The following SEC22C variants were observed in gnomAD, a reference collection of about 807,000 sequenced individuals.
SEC22C encodes SEC22 homolog C, vesicle trafficking protein.
SEC22C carries 29 observed loss-of-function variants against 34.7 expected under a neutral mutation model. That is an observed-to-expected ratio of 0.84 (90% CI 0.62 to 1.14). The LOEUF (loss-of-function observed/expected upper bound fraction) is 1.14, where lower values mean the gene tolerates loss of function less well. SEC22C is among the 50% of genes most tolerant of loss of function. SEC22C has a pLI of 0.00. For synonymous variants in SEC22C, 117 were observed against 132.8 expected (o/e 0.88, Z 0.82); for missense variants, 337 against 369.0 (o/e 0.91, Z 0.71).
chr3:42,572,546 C>G (rs1322821477), intron 1 of SEC22C, among the ~76,000 whole-genome samples: 1 of 152,156 alleles, frequency 6.6e-6, no homozygotes, highest in Non-Finnish European at 1.5e-5. Context: ...TCCTATCTCT[C>G]CCAGGCAATG....
chr3:42,591,121 C>T (rs1161587617), intron 1 of SEC22C, among the ~76,000 whole-genome samples: 1 of 151,810 alleles, frequency 6.6e-6, no homozygotes, highest in African/African-American at 2.4e-5. Flanking sequence ...ACGAAATCAG[C>T]ACAGGCGCCG....
rs150078166 is a variant in SEC22C at position 42,597,274 on chromosome 3, G to A, written c.-28+3686C>T. Among the ~76,000 whole-genome samples the A allele has an allele frequency of 3.3e-4, 51 of 152,332 alleles. No homozygotes were observed. In the East Asian group the frequency reaches 4.8e-3, roughly 14 times the overall value. On this transcript the variant is annotated intron_variant, in intron 1 of 6. Transcript: ENST00000417572. The stretch of plus-strand genomic sequence containing the variant: ...TGTACTTTAAAAAGGTGACATGGAC[G>A]GCTGGGTGCAGTGACTCATGCCTGT...
At chr3:42,567,722 G>C (rs576114683) in intron 2 of SEC22C, among the ~76,000 whole-genome samples, 73 of 152,222 alleles carry the variant, frequency 4.8e-4, no homozygotes, top group African/African-American at 1.8e-3. Flanking sequence ...AGTTCCTTGA[G>C]AAAAGAGACC....
At chr3:42,568,767 T>C (rs1204626570) in intron 2 of SEC22C, 98 bp downstream of exon 2, 1 of 1,009,098 alleles carries the variant, frequency 9.9e-7, no homozygotes, top group African/African-American at 1.6e-5. Context: ...AGATCTACTT[T>C]TAATACACAA....
chr3:42,555,964 GC>G lies in SEC22C; in HGVS notation c.676del (p.Ala226LeufsTer7). 2 of 1,613,510 alleles carry G rather than the reference GC, an allele frequency of 1.2e-6. No individual in the cohort carries two copies. Among genetic ancestry groups the G allele is most frequent in the Non-Finnish European group, 1.7e-6 (2 of 1,179,710 alleles). ...VAHEEIGNILAFLVPFVACIF... is the reference protein window; with the variant it reads ...VAHEEIGNILXFLVPFVACIF... ...GCAGGCTACGAAAGGAACAAGAAAA[GC>G]CAGAATGTTTCCAATTTCCTCATGG... is the stretch of plus-strand genomic sequence containing the variant. On this transcript the variant is annotated frameshift_variant, in exon 6 of 7. Transcript: ENST00000264454. LOFTEE classifies it high-confidence loss of function.
upstream of SEC22C, among the ~76,000 whole-genome samples, chr3:42,584,476 G>A (rs535825863): frequency 1.6e-4 from 24 of 152,254 alleles, no homozygotes; most frequent in Non-Finnish European, 2.1e-4. Flanking sequence ...GTTTGGTCTC[G>A]AAATCCTGGC....
rs1577281391 is a variant in SEC22C at position 42,550,628 on chromosome 3, C to CCCA, written c.*2617_*2619dup. On this transcript the variant is annotated 3_prime_UTR_variant, in exon 7 of 7. Coordinates refer to ENST00000264454, the MANE Select transcript of SEC22C (RefSeq NM_032970.4). ...TTTTGTTTGCAAAAGTCAATCTCAC[C>CCCA]CCATGTAGATGTTAACTGATATCCA... is the stretch of plus-strand genomic sequence containing the variant. 1 of 985,146 alleles carries CCCA rather than the reference C, an allele frequency of 1.0e-6. No homozygotes were observed. The highest frequency in any genetic ancestry group is 1.2e-6 in the Non-Finnish European group (1 of 829,916). The allele number at this position is 985,146 out of a possible 1,614,324, so 61.0% of individuals were successfully genotyped here. A position where few individuals can be genotyped will look rare whatever the true frequency, so the allele number is the denominator to read the frequency against.
At chr3:42,586,942 C>T (rs558482677), upstream of SEC22C, among the ~76,000 whole-genome samples, 1 of 152,310 alleles carries the variant, frequency 6.6e-6, no homozygotes, top group East Asian at 1.9e-4. Flanking sequence ...AGGGGCATCA[C>T]CAGTTTCTCA....
rs1475554995 is a variant in SEC22C, at chr3:42,549,315, T to C, written c.*3933A>G. The C allele has an allele frequency of 1.0e-6, 1 of 985,558 alleles. No individual in the cohort carries two copies. The highest frequency in any genetic ancestry group is 1.2e-6 in the Non-Finnish European group (1 of 830,114). 61.1% of individuals were successfully genotyped at this position (985,558 alleles called of 1,614,324 possible). On this transcript the variant is annotated 3_prime_UTR_variant, in exon 7 of 7. Coordinates refer to ENST00000264454, the MANE Select transcript of SEC22C (RefSeq NM_032970.4). ...TGCACTATGCAAGCAAGCAGCAGGT[T>C]CTCAGAAGGCCACTGTCCTGCATGT...
At chr3:42,572,843 T>C (rs191112004) in intron 1 of SEC22C, among the ~76,000 whole-genome samples, 57 of 152,356 alleles carry the variant, frequency 3.7e-4, no homozygotes, top group Admixed American at 1.0e-3. Flanking sequence ...ATTAGAATTA[T>C]CTAACAAAGA....
chr3:42,556,859 G>A (rs1290560314), intron 5 of SEC22C, among the ~76,000 whole-genome samples: 1 of 152,098 alleles, frequency 6.6e-6, no homozygotes, highest in Non-Finnish European at 1.5e-5. Flanking sequence ...GAGTAGCTGG[G>A]ATTACAGGCA....
intron 2 of SEC22C, among the ~76,000 whole-genome samples, chr3:42,566,224 C>T (rs1277846592): frequency 6.6e-6 from 1 of 152,172 alleles, no homozygotes; most frequent in African/African-American, 2.4e-5. Flanking sequence ...CAGGTGACAG[C>T]TGCATGTGCC....
At chr3:42,576,590 T>C (rs1410390482) in intron 1 of SEC22C, among the ~76,000 whole-genome samples, 1 of 152,096 alleles carries the variant, frequency 6.6e-6, no homozygotes, top group Non-Finnish European at 1.5e-5. Flanking sequence ...ATACAGAACT[T>C]GTATGCTGAA....
Position 42,558,571 on chromosome 3 carries a change from G to T in SEC22C, c.527-875C>A, listed in dbSNP as rs551454180. 1.2e-3 allele frequency among the ~76,000 whole-genome samples: 184 copies of T among 147,638 alleles called. 1 individual carries two copies. The highest frequency in any genetic ancestry group is 1.3e-3 in the Non-Finnish European group (86 of 66,974). ...GGAGGCTAAGGTGAGAGGATCACTT[G>T]AACTCAGGAGTTCAAGACCAGCCTG... On this transcript the variant is annotated intron_variant, in intron 4 of 6. Coordinates refer to ENST00000264454, the MANE Select transcript of SEC22C (RefSeq NM_032970.4).
intron 1 of SEC22C, among the ~76,000 whole-genome samples, chr3:42,599,332 T>C (rs1705171725): frequency 2.0e-5 from 3 of 151,734 alleles, no homozygotes; most frequent in Non-Finnish European, 1.5e-5. Flanking sequence ...ACACAGATCA[T>C]TGGAACAAAA....
intron 5 of SEC22C, among the ~76,000 whole-genome samples, chr3:42,557,119 A>G (rs903101327): frequency 3.3e-5 from 5 of 152,252 alleles, no homozygotes; most frequent in Admixed American, 3.3e-4. Context: ...TGAGCAGACC[A>G]GTGAAGGAAC....
intron 2 of SEC22C, among the ~76,000 whole-genome samples, chr3:42,568,510 G>A (rs1032393238): frequency 7.9e-5 from 12 of 152,036 alleles, no homozygotes; most frequent in Admixed American, 7.2e-4. Context: ...GCTGGGCATC[G>A]TGGCATGTGC....
chr3:42,561,380 T>A, intron 3 of SEC22C, 84 bp from the exon 4 acceptor site: 1 of 1,436,216 alleles, frequency 7.0e-7, no homozygotes, highest in Non-Finnish European at 9.7e-7. Context: ...AGTTCACATT[T>A]CTTTTTTTTG....
chr3:42,560,015 T>C (rs911482936), intron 4 of SEC22C, among the ~76,000 whole-genome samples: 3 of 151,566 alleles, frequency 2.0e-5, no homozygotes, highest in Admixed American at 1.3e-4. Flanking sequence ...TGTCCAACGC[T>C]CTCATCCCCA....
Sources: gnomAD v4.1 joint callset for allele counts (sites outside exome capture counted in the v4.1 genomes callset) on GRCh38, gnomAD v4.1.1 for gene constraint, MANE v1.5 for transcripts, NCBI Gene and HGNC (gene_info 2026-07-23, HGNC 2026-07-21) for gene names.